The following PARP8 variants were observed in gnomAD, a reference collection of about 807,000 sequenced individuals.
PARP8 encodes poly(ADP-ribose) polymerase family member 8.
Under a neutral mutation model 124.1 loss-of-function variants are expected in PARP8, and 51 were observed. That is an observed-to-expected ratio of 0.41 (90% CI 0.33 to 0.52). PARP8 has a LOEUF of 0.52. PARP8 is among the 20% of genes least tolerant of loss of function. PARP8 has a pLI of 0.21. For synonymous variants in PARP8, 391 were observed against 361.5 expected, an observed-to-expected ratio of 1.08 and a Z score of -0.93; for missense variants, 860 against 1,018.9, an observed-to-expected ratio of 0.84 and a Z score of 2.12.
intron 7 of PARP8, among the ~76,000 whole-genome samples, chr5:50,771,023 A>G (rs1761571445): frequency 6.6e-6 from 1 of 151,886 alleles, no homozygotes; most frequent in Admixed American, 6.6e-5. Context: ...ATATTTATTC[A>G]TTTATTTATG....
chr5:50,727,811 C>G (rs1756577625), intron 2 of PARP8, among the ~76,000 whole-genome samples: 1 of 152,152 alleles, frequency 6.6e-6, no homozygotes, highest in Admixed American at 6.5e-5. Flanking sequence ...TACCCTTTGT[C>G]AAGTTATGGG....
chr5:50,716,131 A>C (rs1323739565), intron 2 of PARP8, among the ~76,000 whole-genome samples: 1 of 152,154 alleles, frequency 6.6e-6, no homozygotes, highest in Non-Finnish European at 1.5e-5. Flanking sequence ...AGAGGCTGAG[A>C]ATAGTTAACT....
At chr5:50,793,264 A>G (rs536954128) in intron 10 of PARP8, among the ~76,000 whole-genome samples, 2 of 152,358 alleles carry the variant, frequency 1.3e-5, no homozygotes, top group African/African-American at 4.8e-5. Flanking sequence ...TGAAAAACAG[A>G]CAATCCTGAA....
intron 17 of PARP8, among the ~76,000 whole-genome samples, chr5:50,823,567 G>T (rs1023865656): frequency 6.6e-6 from 1 of 152,124 alleles, no homozygotes; most frequent in African/African-American, 2.4e-5. Flanking sequence ...ACAATAAAAT[G>T]TATTTCCACC....
rs373301098 is a variant in PARP8, at chr5:50,822,273, T to C, written c.1795-62T>C. 1.2e-5 allele frequency: 14 copies of C among 1,147,592 alleles called. No individual in the cohort carries two copies. In the African/African-American group the frequency reaches 2.0e-4, roughly 16 times the overall value. The allele number at this position is 1,147,592 out of a possible 1,614,324, so 71.1% of individuals were successfully genotyped here. On this transcript the variant is annotated intron_variant, in intron 16 of 25. Transcript: ENST00000281631. The stretch of plus-strand genomic sequence containing the variant: ...GAAATAATATATTTCTCTAGTGATA[T>C]ACAGACTTGCAAGAGCTTATAAGCA...
At chr5:50,828,100 T>A in intron 20 of PARP8, 44 bp downstream of exon 20, 1 of 1,412,066 alleles carries the variant, frequency 7.1e-7, no homozygotes. Context: ...CCCATTAACA[T>A]TTTCCAGAAA....
At chr5:50,767,470 A>G (rs1478356122) in intron 7 of PARP8, among the ~76,000 whole-genome samples, 1 of 152,202 alleles carries the variant, frequency 6.6e-6, no homozygotes, top group African/African-American at 2.4e-5. Context: ...GACATAATCT[A>G]GATGTAAGCT....
chr5:50,726,500 C>T (rs1456974613), intron 2 of PARP8, among the ~76,000 whole-genome samples: 2 of 152,168 alleles, frequency 1.3e-5, no homozygotes, highest in African/African-American at 4.8e-5. Context: ...ATTAGCATCA[C>T]TAACCACTGT....
chr5:50,786,546 TA>T (rs1198840087), intron 9 of PARP8, among the ~76,000 whole-genome samples: 1 of 150,390 alleles, frequency 6.6e-6, no homozygotes, highest in Non-Finnish European at 1.5e-5. Flanking sequence ...TTTTTTTTTT[TA>T]AATAGAGATG....
rs796972071 is a variant in PARP8, at chr5:50,713,737, G to A, written c.147-36414G>A. 1.3e-4 allele frequency among the ~76,000 whole-genome samples: 20 copies of A among 152,098 alleles called. 1 individual carries two copies. The highest frequency in any genetic ancestry group is 4.8e-4 in the African/African-American group (20 of 41,482). On this transcript the variant is annotated intron_variant, in intron 2 of 25. Coordinates refer to ENST00000281631, the MANE Select transcript of PARP8 (RefSeq NM_024615.4). ...ATGGGGGGATTACCTTGATAATTAT[G>A]TTGAGCCCAGTGTCATCACATGGAT...
chr5:50,720,787 C>G (rs1175986913), intron 2 of PARP8, among the ~76,000 whole-genome samples: 2 of 151,960 alleles, frequency 1.3e-5, no homozygotes, highest in Admixed American at 6.6e-5. Context: ...ATACACCATG[C>G]TTTTGAGCTG....
intron 25 of PARP8, among the ~76,000 whole-genome samples, chr5:50,838,551 T>A (rs1273097108): frequency 6.6e-6 from 1 of 151,982 alleles, no homozygotes; most frequent in African/African-American, 2.4e-5. Context: ...CTAGGATTAA[T>A]CTTTTGGTGT....
chr5:50,676,335 A>G (rs1445348398), intron 2 of PARP8, among the ~76,000 whole-genome samples: 2 of 152,262 alleles, frequency 1.3e-5, no homozygotes, highest in Admixed American at 1.3e-4. Context: ...TGACAAAGAA[A>G]GCTTTGGTTA....
At chr5:50,833,307 G>A (rs1001257928) in intron 23 of PARP8, 2 of 345,140 alleles carry the variant, frequency 5.8e-6, no homozygotes, top group South Asian at 2.4e-5. Flanking sequence ...CTGAGAAGGT[G>A]ACATTTGAGT....
In PARP8 at chr5:50,807,031, T is replaced by C. The variant is rs73102816; in HGVS notation, c.1576-8401T>C. Among the ~76,000 whole-genome samples, 1,023 of 152,086 alleles carry C rather than the reference T, an allele frequency of 6.7e-3. 16 individuals are homozygous for C. The highest frequency in any genetic ancestry group is 0.024 in the African/African-American group (982 of 41,546). On this transcript the variant is annotated intron_variant, in intron 14 of 25. Coordinates refer to ENST00000281631, the MANE Select transcript of PARP8 (RefSeq NM_024615.4). ...AGAATTCTATGCCTATTCTATTTTA[T>C]TACATTTGCATTTGTTAGATCTCGC...
At chr5:50,730,125 A>C (rs1253901416) in intron 2 of PARP8, among the ~76,000 whole-genome samples, 2 of 152,066 alleles carry the variant, frequency 1.3e-5, no homozygotes, top group Non-Finnish European at 2.9e-5. Context: ...GATTTTAAAA[A>C]CCCATGTAAT....
intron 2 of PARP8, chr5:50,744,820 T>C (rs1758382822): frequency 2.9e-6 from 2 of 688,192 alleles, no homozygotes; most frequent in Admixed American, 2.2e-5. Context: ...TAGATTTTGC[T>C]TTCTTCTCAT....
intron 16 of PARP8, among the ~76,000 whole-genome samples, chr5:50,821,971 G>C (rs1223796785): frequency 6.6e-6 from 1 of 152,180 alleles, no homozygotes; most frequent in Non-Finnish European, 1.5e-5. Context: ...AATAAAAGCG[G>C]TTGTGAGATT....
chr5:50,740,839 T>TA (rs946135121), intron 2 of PARP8, among the ~76,000 whole-genome samples: 5 of 151,836 alleles, frequency 3.3e-5, no homozygotes, highest in African/African-American at 1.2e-4. Flanking sequence ...AAAGATTATA[T>TA]ATTTGATATT....
Sources: allele counts gnomAD v4.1 joint callset (sites outside exome capture counted in the v4.1 genomes callset), GRCh38; gene constraint gnomAD v4.1.1; transcripts MANE v1.5; gene names NCBI Gene and HGNC (gene_info 2026-07-23, HGNC 2026-07-21).